Variants in PDE9A observed in about 807,000 individuals in gnomAD.
The protein encoded by PDE9A is phosphodiesterase 9A, also known as high affinity cGMP-specific 3',5'-cyclic phosphodiesterase 9A.
In PDE9A, 60 loss-of-function variants were observed where a neutral mutation model predicts 87.4. The observed-to-expected ratio is 0.69, with a 90% CI of 0.56 to 0.85. PDE9A has a LOEUF of 0.85. Ranked by LOEUF, PDE9A falls within the 40% of genes least tolerant of loss-of-function variation. PDE9A has a pLI of 0.00. For synonymous variants in PDE9A, 272 were observed against 279.4 expected (o/e 0.97, Z 0.27); for missense variants, 665 against 779.0 (o/e 0.85, Z 1.74).
At chr21:42,693,633 C>A (rs2059993191) in intron 3 of PDE9A, among the ~76,000 whole-genome samples, 1 of 144,364 alleles carries the variant, frequency 6.9e-6, no homozygotes, top group African/African-American at 2.6e-5. Flanking sequence ...ACTCTTATTG[C>A]CCAGGCTGCA....
chr21:42,742,379 T>A (rs1167691900), intron 7 of PDE9A, among the ~76,000 whole-genome samples: 1 of 147,118 alleles, frequency 6.8e-6, no homozygotes, highest in East Asian at 2.1e-4. Flanking sequence ...GATAACTTAG[T>A]GGGTGGTGGG....
intron 17 of PDE9A, 107 bp downstream of exon 17, chr21:42,769,262 C>T (rs893562796): frequency 9.8e-7 from 1 of 1,022,494 alleles, no homozygotes. Flanking sequence ...CACAGACACA[C>T]ACTCATGCAC....
intron 1 of PDE9A, among the ~76,000 whole-genome samples, chr21:42,666,867 A>G (rs1217175002): frequency 6.6e-6 from 1 of 152,130 alleles, no homozygotes; most frequent in African/African-American, 2.4e-5. Flanking sequence ...GGCCTTTGTA[A>G]CCCTAATGTG....
At chr21:42,689,533 C>A (rs2059671470) in intron 3 of PDE9A, 8 of 985,428 alleles carry the variant, frequency 8.1e-6, no homozygotes, top group Non-Finnish European at 9.6e-6. Flanking sequence ...GGGGACCTCA[C>A]AGAAACCAGC....
intron 3 of PDE9A, among the ~76,000 whole-genome samples, chr21:42,698,704 C>T (rs987114656): frequency 1.3e-5 from 2 of 152,124 alleles, no homozygotes; most frequent in African/African-American, 2.4e-5. Context: ...CACCTGTGAT[C>T]GGCAGTAGTA....
intron 14 of PDE9A, among the ~76,000 whole-genome samples, chr21:42,762,975 G>C (rs1216447513): frequency 6.6e-6 from 1 of 152,200 alleles, no homozygotes; most frequent in Non-Finnish European, 1.5e-5. Context: ...TTACAGGTGT[G>C]AGCCACCACG....
intron 4 of PDE9A, among the ~76,000 whole-genome samples, chr21:42,703,170 C>T (rs141067301): frequency 3.9e-5 from 6 of 152,334 alleles, no homozygotes; most frequent in African/African-American, 7.2e-5. Flanking sequence ...GAGCACTGAG[C>T]GCCACGGCCC....
intron 4 of PDE9A, among the ~76,000 whole-genome samples, chr21:42,709,521 T>C (rs2049122363): frequency 6.6e-6 from 1 of 152,222 alleles, no homozygotes; most frequent in African/African-American, 2.4e-5. Flanking sequence ...ACAGAGGACA[T>C]TTCCATCACC....
chr21:42,709,997 T>C (rs2049171595), intron 4 of PDE9A, among the ~76,000 whole-genome samples: 1 of 152,234 alleles, frequency 6.6e-6, no homozygotes, highest in Non-Finnish European at 1.5e-5. Context: ...ACTAGAATTA[T>C]TGTACAAGTC....
Position 42,659,955 on chromosome 21 carries a change from G to T in PDE9A, c.69+6072G>T, listed in dbSNP as rs184063217. Among the ~76,000 whole-genome samples, 268 of 152,324 alleles carry T rather than the reference G, an allele frequency of 1.8e-3. 2 individuals are homozygous for T. Among genetic ancestry groups the T allele is most frequent in the African/African-American group, 6.1e-3 (252 of 41,576 alleles). On this transcript the variant is annotated intron_variant, in intron 1 of 19. Transcript: ENST00000291539. This position sits in a 1 kb window ranked among gnomAD's most constrained non-coding sequence, Gnocchi z 4.1. ...ATGAGAGATGAAACGGGGACGAGCC[G>T]GGCAGCTGATCTCAGTGCAGCAACT...
intron 7 of PDE9A, among the ~76,000 whole-genome samples, chr21:42,735,689 A>T (rs1219132226): frequency 6.6e-6 from 1 of 152,176 alleles, no homozygotes; most frequent in Non-Finnish European, 1.5e-5. Context: ...TCTTATAAAG[A>T]TGCCTCTCTT....
chr21:42,720,983 T>C (rs538226201), intron 4 of PDE9A, among the ~76,000 whole-genome samples: 25 of 150,914 alleles, frequency 1.7e-4, no homozygotes, highest in African/African-American at 6.1e-4. Flanking sequence ...CCAGCCTGGG[T>C]AACAAGAGCG....
chr21:42,669,605 C>T (rs879556772), intron 1 of PDE9A, among the ~76,000 whole-genome samples: 1 of 152,116 alleles, frequency 6.6e-6, no homozygotes, highest in Non-Finnish European at 1.5e-5. Flanking sequence ...CCCCACTTGG[C>T]GGTTCATCTG....
intron 19 of PDE9A, among the ~76,000 whole-genome samples, chr21:42,772,869 G>C (rs1389679989): frequency 6.6e-6 from 1 of 150,764 alleles, no homozygotes; most frequent in Admixed American, 6.6e-5. Context: ...CCTGACCTCA[G>C]GTGATCCACC....
intron 4 of PDE9A, among the ~76,000 whole-genome samples, chr21:42,712,861 C>T (rs2049476949): frequency 6.6e-6 from 1 of 152,044 alleles, no homozygotes; most frequent in Admixed American, 6.6e-5. Flanking sequence ...GTTCCAGTAC[C>T]TTTCTGCATC....
At chr21:42,697,396 A>G (rs774499252) in intron 3 of PDE9A, 3 of 1,554,918 alleles carry the variant, frequency 1.9e-6, no homozygotes, top group Non-Finnish European at 1.8e-6. Context: ...CTCCATATTC[A>G]CTGTGTTTCT....
At chr21:42,742,627 C>T (rs1016162052) in intron 7 of PDE9A, among the ~76,000 whole-genome samples, 6 of 151,774 alleles carry the variant, frequency 4.0e-5, no homozygotes, top group Non-Finnish European at 7.4e-5. Context: ...ACACCATGCC[C>T]GGCTAATTTT....
At chr21:42,681,148 A>T (rs895670929) in intron 1 of PDE9A, among the ~76,000 whole-genome samples, 1 of 152,222 alleles carries the variant, frequency 6.6e-6, no homozygotes, top group Admixed American at 6.5e-5. Context: ...GGTGGAGTTG[A>T]TGCCATCAAC....
At chr21:42,709,888 G>A (rs192973836) in intron 4 of PDE9A, among the ~76,000 whole-genome samples, 33 of 152,280 alleles carry the variant, frequency 2.2e-4, no homozygotes, top group Admixed American at 1.2e-3. Context: ...AGATCCATTC[G>A]TGCAGTTATT....
Sources: allele counts gnomAD v4.1 joint callset (sites outside exome capture counted in the v4.1 genomes callset), GRCh38; gene constraint gnomAD v4.1.1; non-coding constraint Gnocchi (gnomAD v3.1); transcripts MANE v1.5; gene names NCBI Gene and HGNC (gene_info 2026-07-23, HGNC 2026-07-21).